The following ATRNL1 variants were observed in gnomAD, a reference collection of about 807,000 sequenced individuals.
ATRNL1 encodes attractin-like protein 1.
Under a neutral mutation model 182.7 loss-of-function variants are expected in ATRNL1, and 95 were observed. The observed-to-expected ratio is 0.52, with a 90% confidence interval of 0.44 to 0.62. ATRNL1 has a LOEUF of 0.62. Among genes scored for constraint, ATRNL1 ranks in the 20% least tolerant of loss-of-function variants. The pLI, the probability that ATRNL1 is intolerant of heterozygous loss-of-function variation, is 0.00. For missense variants in ATRNL1, 1,471 were observed against 1,679.5 expected, an observed-to-expected ratio of 0.88 and a Z score of 2.17; for synonymous variants, 576 against 568.3, an observed-to-expected ratio of 1.01 and a Z score of -0.19.
intron 27 of ATRNL1, among the ~76,000 whole-genome samples, chr10:115,740,704 C>T (rs1270251455): frequency 6.6e-6 from 1 of 151,988 alleles, no homozygotes. Flanking sequence ...TGGTGATTCA[C>T]CATGTTGGCC....
chr10:115,207,263 C>T (rs1267959416), intron 8 of ATRNL1, among the ~76,000 whole-genome samples: 2 of 152,134 alleles, frequency 1.3e-5, no homozygotes, highest in Non-Finnish European at 2.9e-5. Context: ...GGAATCACCA[C>T]ACTGTCTTCC....
At chr10:115,760,029 T>C (rs1231439746) in intron 27 of ATRNL1, among the ~76,000 whole-genome samples, 5 of 151,674 alleles carry the variant, frequency 3.3e-5, no homozygotes, top group African/African-American at 4.8e-5. Context: ...ACACTTTACA[T>C]TGATCTGATA....
chr10:115,743,850 C>T (rs7099966), intron 27 of ATRNL1, among the ~76,000 whole-genome samples: 2,368 of 151,808 alleles, frequency 0.016, 53 homozygotes, highest in African/African-American at 0.054. Context: ...ACAAAAAGAA[C>T]TTTGTTTAGA....
chr10:115,461,589 A>G (rs1175977435), intron 21 of ATRNL1, among the ~76,000 whole-genome samples: 1 of 152,138 alleles, frequency 6.6e-6, no homozygotes, highest in Non-Finnish European at 1.5e-5. Context: ...TAACTGGAAT[A>G]AAATGCACCA....
chr10:115,561,105 A>G (rs1296490392), intron 26 of ATRNL1, among the ~76,000 whole-genome samples: 1 of 152,128 alleles, frequency 6.6e-6, no homozygotes, highest in Non-Finnish European at 1.5e-5. Context: ...CTTCTTAGAC[A>G]TGACATCAAA....
At chr10:115,486,914 A>G (rs1849054436) in intron 24 of ATRNL1, among the ~76,000 whole-genome samples, 1 of 152,136 alleles carries the variant, frequency 6.6e-6, no homozygotes, top group South Asian at 2.1e-4. Flanking sequence ...TAATTTTTGT[A>G]TAAGGTGTAA....
At chr10:115,602,193 C>A (rs782590708) in intron 26 of ATRNL1, among the ~76,000 whole-genome samples, 5 of 151,810 alleles carry the variant, frequency 3.3e-5, no homozygotes, top group African/African-American at 9.7e-5. Context: ...GTCTCTACTA[C>A]AGATGCAAAA....
chr10:115,439,587 G>A lies in ATRNL1; in HGVS notation c.3322+13285G>A, dbSNP rs578225389. 6.6e-5 allele frequency among the ~76,000 whole-genome samples: 10 copies of A among 151,936 alleles called. No individual in the cohort carries two copies. The South Asian group carries it at 1.5e-3, about 22-fold the overall frequency. ...TGTGTTAGGGTGAGTAATGCACCCC[G>A]AAAGATGTCTACATCCTCCCCAGAA... On this transcript the variant is annotated intron_variant, in intron 21 of 28. Transcript: ENST00000355044.
chr10:115,337,930 T>C (rs1855569086), intron 19 of ATRNL1, among the ~76,000 whole-genome samples: 1 of 152,170 alleles, frequency 6.6e-6, no homozygotes. Context: ...AGTTAGATTC[T>C]CATAAGGAGT....
At chr10:115,851,170 A>G (rs1951046148) in intron 28 of ATRNL1, among the ~76,000 whole-genome samples, 1 of 151,936 alleles carries the variant, frequency 6.6e-6, no homozygotes, top group Non-Finnish European at 1.5e-5. Flanking sequence ...ACTAAATGTC[A>G]GTGTCATGTG....
intron 25 of ATRNL1, among the ~76,000 whole-genome samples, chr10:115,543,683 C>T (rs146270526): frequency 8.8e-4 from 134 of 152,066 alleles, no homozygotes; most frequent in Admixed American, 9.2e-4. Context: ...TACAATGTAA[C>T]GTTATAGCAC....
intron 28 of ATRNL1, among the ~76,000 whole-genome samples, chr10:115,886,916 G>T (rs1951957559): frequency 6.6e-6 from 1 of 152,118 alleles, no homozygotes; most frequent in Admixed American, 6.5e-5. Context: ...TGATGTTTCT[G>T]TCAAATTTGA....
chr10:115,319,696 T>G (rs1854485070), intron 18 of ATRNL1, among the ~76,000 whole-genome samples: 1 of 152,078 alleles, frequency 6.6e-6, no homozygotes, highest in Non-Finnish European at 1.5e-5. Flanking sequence ...TGTCAGAGAC[T>G]AGTATTGCAT....
At position 115,636,865 on chromosome 10, in the gene ATRNL1, A is replaced by G. The variant is rs1293582078; in HGVS notation, c.3795+87329A>G. On this transcript the variant is annotated intron_variant, in intron 26 of 28. Coordinates refer to ENST00000355044, the MANE Select transcript of ATRNL1 (RefSeq NM_207303.4). ...TAGCATATCCATACAGTGGAATATT[A>G]TTTGCTAATAAAAAGGAATGACGTA... Among the ~76,000 whole-genome samples, 3 of 152,226 alleles carry G rather than the reference A, an allele frequency of 2.0e-5. No individual in the cohort carries two copies. The East Asian group carries it at 5.8e-4, about 29-fold the overall frequency.
At chr10:115,226,914 T>G (rs1471112095) in intron 9 of ATRNL1, among the ~76,000 whole-genome samples, 1 of 152,112 alleles carries the variant, frequency 6.6e-6, no homozygotes, top group Non-Finnish European at 1.5e-5. Context: ...TTTCAACATA[T>G]ACAAAATCAA....
intron 27 of ATRNL1, among the ~76,000 whole-genome samples, chr10:115,847,515 C>T (rs1252956097): frequency 6.6e-6 from 1 of 151,870 alleles, no homozygotes; most frequent in African/African-American, 2.4e-5. Flanking sequence ...ACCCTATAGA[C>T]AGTAAAAATA....
intron 26 of ATRNL1, among the ~76,000 whole-genome samples, chr10:115,573,084 C>A (rs1305099369): frequency 2.0e-5 from 3 of 152,160 alleles, no homozygotes; most frequent in Non-Finnish European, 4.4e-5. Flanking sequence ...GGTAAAGAAC[C>A]AGTGTGACAG....
intron 28 of ATRNL1, among the ~76,000 whole-genome samples, chr10:115,912,914 CT>C (rs1459827914): frequency 5.9e-5 from 9 of 152,174 alleles, no homozygotes; most frequent in African/African-American, 2.2e-4. Flanking sequence ...CCACCACTTA[CT>C]AACCGTGTGG....
chr10:115,343,001 A>G (rs1265968537), intron 19 of ATRNL1, among the ~76,000 whole-genome samples: 1 of 151,986 alleles, frequency 6.6e-6, no homozygotes, highest in African/African-American at 2.4e-5. Flanking sequence ...TTGGAGCTCC[A>G]TTGTATGTGA....
Sources: gnomAD v4.1 joint callset for allele counts (sites outside exome capture counted in the v4.1 genomes callset) on GRCh38, gnomAD v4.1.1 for gene constraint, MANE v1.5 for transcripts, NCBI Gene and HGNC (gene_info 2026-07-23, HGNC 2026-07-21) for gene names.